Variants in SLIT3 observed in about 807,000 individuals in gnomAD.
SLIT3 encodes the protein slit homolog 3 protein.
Under a neutral mutation model 184.0 loss-of-function variants are expected in SLIT3, and 68 were observed. The observed-to-expected ratio is 0.37, with a 90% CI of 0.30 to 0.45. SLIT3 has a LOEUF of 0.45. SLIT3 is among the 20% of genes least tolerant of loss of function. The pLI is 1.00. For missense variants in SLIT3, 1,707 were observed against 2,026.0 expected (o/e 0.84, Z 3.02); for synonymous variants, 831 against 828.6 (o/e 1.00, Z -0.05).
At position 169,020,210 on chromosome 5, in the gene SLIT3, T is replaced by C. The variant is rs142012087; in HGVS notation, c.414-136874A>G. The stretch of plus-strand genomic sequence containing the variant: ...GCCAAATGTTGGTTTAGAAGGGTAG[T>C]GAGACTGGCTGGCAGTTGAACAAAC... On this transcript the variant is annotated intron_variant, in intron 4 of 35. Transcript: ENST00000519560. Among the ~76,000 whole-genome samples the C allele has an allele frequency of 1.1e-4, 17 of 152,350 alleles. No homozygotes were observed. In the East Asian group the frequency reaches 3.3e-3, roughly 29 times the overall value.
At chr5:169,027,970 C>A (rs1347031910) in intron 4 of SLIT3, among the ~76,000 whole-genome samples, 1 of 152,052 alleles carries the variant, frequency 6.6e-6, no homozygotes, top group Non-Finnish European at 1.5e-5. Context: ...AAGGAACTGC[C>A]CTTTATCTCG....
chr5:169,101,514 A>G (rs1760013907), intron 4 of SLIT3, among the ~76,000 whole-genome samples: 2 of 152,182 alleles, frequency 1.3e-5, no homozygotes, highest in South Asian at 2.1e-4. Flanking sequence ...AGATCCATGA[A>G]TGCTCAGCCA....
At chr5:168,769,029 C>T (rs9784690) in intron 14 of SLIT3, among the ~76,000 whole-genome samples, 39,518 of 152,048 alleles carry the variant, frequency 0.26, 5,946 homozygotes, top group East Asian at 0.55. Context: ...GTGGCCAGTG[C>T]GCCTCCTGAT....
At chr5:168,770,674 G>A (rs1201846738) in intron 14 of SLIT3, among the ~76,000 whole-genome samples, 2 of 151,850 alleles carry the variant, frequency 1.3e-5, no homozygotes, top group South Asian at 4.1e-4. Flanking sequence ...TTTTAAAAAA[G>A]GTATCTTAGA....
intron 6 of SLIT3, among the ~76,000 whole-genome samples, chr5:168,833,591 T>C (rs1216663561): frequency 6.6e-6 from 1 of 152,354 alleles, no homozygotes; most frequent in South Asian, 2.1e-4. Flanking sequence ...GTTGTCCTCA[T>C]GCTGAATGCA....
intron 4 of SLIT3, among the ~76,000 whole-genome samples, chr5:169,160,974 G>C (rs1438276153): frequency 1.3e-5 from 2 of 152,200 alleles, no homozygotes; most frequent in African/African-American, 4.8e-5. Flanking sequence ...AAAAAGCTTT[G>C]AGATCATGCG....
chr5:168,732,519 C>G (rs1763316911), intron 20 of SLIT3, among the ~76,000 whole-genome samples: 1 of 152,064 alleles, frequency 6.6e-6, no homozygotes, highest in Non-Finnish European at 1.5e-5. Context: ...CCACAGCAAT[C>G]CTGAGCAAAA....
At chr5:168,779,025 C>T (rs1755871505) in intron 12 of SLIT3, among the ~76,000 whole-genome samples, 1 of 152,220 alleles carries the variant, frequency 6.6e-6, no homozygotes, top group Non-Finnish European at 1.5e-5. Flanking sequence ...ACCAGGTGAA[C>T]CACAGCCACC....
At chr5:169,233,151 G>A (rs13179802) in intron 3 of SLIT3, among the ~76,000 whole-genome samples, 77,773 of 151,796 alleles carry the variant, frequency 0.51, 20,172 homozygotes, top group Middle Eastern at 0.54. Context: ...TCAGCCTCCC[G>A]AGTAGCTGGG....
chr5:169,047,538 CCTAGATGGAACCTACCCTTCCATCT>C (rs1161259385), intron 4 of SLIT3, among the ~76,000 whole-genome samples: 21 of 150,594 alleles, frequency 1.4e-4, no homozygotes, highest in African/African-American at 3.9e-4. Flanking sequence ...CATCTGGAGA[CCTAGATGGAACCTACCCTTCCATCT>C]GGAGACCTAG....
chr5:168,873,007 A>T (rs1759589237), intron 5 of SLIT3, among the ~76,000 whole-genome samples: 1 of 152,140 alleles, frequency 6.6e-6, no homozygotes, highest in South Asian at 2.1e-4. Context: ...TGACCTTCAC[A>T]GCCTGCTCCT....
At chr5:169,133,438 G>A (rs1761378034) in intron 4 of SLIT3, among the ~76,000 whole-genome samples, 1 of 152,222 alleles carries the variant, frequency 6.6e-6, no homozygotes, top group Non-Finnish European at 1.5e-5. Flanking sequence ...TCTATGCATA[G>A]AGCCATGGGA....
chr5:168,749,460 C>A lies in SLIT3; in HGVS notation c.2137+12G>T. The A allele has an allele frequency of 6.2e-7, 1 of 1,614,066 alleles. No homozygotes were observed. Among genetic ancestry groups the A allele is most frequent in the East Asian group, 2.2e-5 (1 of 44,870 alleles). On this transcript the variant is annotated intron_variant, in intron 19 of 35. Transcript: ENST00000519560. ...GGCCTTCCCCGCAGACCTTGACCCA[C>A]AGCCTTCTTACCATCACAGGTGAAG... is the stretch of plus-strand genomic sequence containing the variant.
chr5:168,669,834 C>T lies in SLIT3; in HGVS notation c.4285G>A (p.Glu1429Lys). 3 of 1,614,142 alleles carry T rather than the reference C, an allele frequency of 1.9e-6. No individual in the cohort carries two copies. The highest frequency in any genetic ancestry group is 1.7e-6 in the Non-Finnish European group (2 of 1,180,036). The change falls in exon 35 of 36, where the codon GAG (glutamate) becomes AAG (lysine). Residue 1429 changes from glutamate (E) to lysine (K), a missense_variant. Glu to Lys is a moderately conservative substitution (Grantham distance 56). Transcript: ENST00000519560. ...HGQCHISDQG[E>K]PYCLCQPGFS... ...CCGGGCTGGCACAGGCAGTAGGGCT[C>T]CCCTTGGTCTGAGATGTGGCACTGC... is the stretch of plus-strand genomic sequence containing the variant.
chr5:169,014,669 A>G (rs1022297265), intron 4 of SLIT3, among the ~76,000 whole-genome samples: 3 of 152,182 alleles, frequency 2.0e-5, no homozygotes, highest in Admixed American at 6.5e-5. Context: ...AAGCAACCTC[A>G]TGCTGGTGCA....
chr5:168,805,078 T>C (rs1232891929), intron 9 of SLIT3, among the ~76,000 whole-genome samples: 2 of 152,244 alleles, frequency 1.3e-5, no homozygotes, highest in Non-Finnish European at 2.9e-5. Flanking sequence ...TTCTGACATG[T>C]TATCTAACTT....
intron 4 of SLIT3, among the ~76,000 whole-genome samples, chr5:168,892,071 T>C (rs1760483794): frequency 6.6e-6 from 1 of 152,202 alleles, no homozygotes; most frequent in Non-Finnish European, 1.5e-5. Flanking sequence ...CTGCTAATTC[T>C]AGAATGGCGC....
chr5:169,138,907 G>A (rs574032548), intron 4 of SLIT3, among the ~76,000 whole-genome samples: 1 of 152,338 alleles, frequency 6.6e-6, no homozygotes, highest in East Asian at 1.9e-4. Context: ...AAAGCTCCAG[G>A]ACTATCCTAA....
At chr5:169,085,860 C>A (rs949120579) in intron 4 of SLIT3, among the ~76,000 whole-genome samples, 1 of 152,136 alleles carries the variant, frequency 6.6e-6, no homozygotes, top group Non-Finnish European at 1.5e-5. Context: ...ATGGGTGTTG[C>A]TAGGCAGCCC....
Sources: allele counts gnomAD v4.1 joint callset (sites outside exome capture counted in the v4.1 genomes callset), GRCh38; gene constraint gnomAD v4.1.1; transcripts MANE v1.5; gene names NCBI Gene and HGNC (gene_info 2026-07-23, HGNC 2026-07-21).